Variants in PCDHGB2 observed in about 807,000 individuals in gnomAD.
PCDHGB2 encodes the protein protocadherin gamma subfamily B, 2, also known as protocadherin gamma-B2.
In PCDHGB2, 55 loss-of-function variants were observed where a neutral mutation model predicts 59.3. That is an observed-to-expected ratio of 0.93 (90% CI 0.75 to 1.16). The LOEUF (loss-of-function observed/expected upper bound fraction) is 1.16. PCDHGB2 is among the 50% of genes most tolerant of loss of function. The pLI is 0.00. For missense variants in PCDHGB2, 1,228 were observed against 1,198.5 expected, an observed-to-expected ratio of 1.02 and a Z score of -0.36; for synonymous variants, 516 against 512.0, an observed-to-expected ratio of 1.01 and a Z score of -0.11.
intron 1 of PCDHGB2, chr5:141,382,957 C>T (rs1350220102): frequency 6.2e-7 from 1 of 1,606,282 alleles, no homozygotes; most frequent in Non-Finnish European, 8.5e-7. Flanking sequence ...CTCCATCCTC[C>T]TGGGGACCCC....
At chr5:141,374,954 AT>A in intron 1 of PCDHGB2, 1 of 1,613,990 alleles carries the variant, frequency 6.2e-7, no homozygotes, top group East Asian at 2.2e-5. Flanking sequence ...GATCTCACAA[AT>A]TTTCTGTTTG....
chr5:141,471,046 C>CTT (rs1170588345), intron 1 of PCDHGB2, among the ~76,000 whole-genome samples: 26 of 113,248 alleles, frequency 2.3e-4, no homozygotes, highest in Non-Finnish European at 3.0e-4. Context: ...CCCAAGCCCT[C>CTT]TTTTTTTTTT....
Position 141,495,011 on chromosome 5 carries a change from G to A in PCDHGB2, c.2480+146G>A, listed in dbSNP as rs2099758277. On this transcript the variant is annotated intron_variant, in intron 2 of 3. Coordinates refer to ENST00000522605, the MANE Select transcript of PCDHGB2 (RefSeq NM_018923.3). ...CCAGGGAGGTCTTGGTGTGCGGGGG[G>A]CTGGCACACAGACCCCGGAAGGAAG... is the stretch of plus-strand genomic sequence containing the variant. 4.6e-6 allele frequency: 7 copies of A among 1,512,044 alleles called. No individual in the cohort carries two copies. In the East Asian group the frequency reaches 1.5e-4, roughly 32 times the overall value. 93.7% of individuals were successfully genotyped at this position (1,512,044 alleles called of 1,614,324 possible).
chr5:141,445,305 T>C (rs899306819), intron 1 of PCDHGB2, among the ~76,000 whole-genome samples: 2 of 152,204 alleles, frequency 1.3e-5, no homozygotes, highest in Non-Finnish European at 1.5e-5. Context: ...TCTCTTCAGT[T>C]TGTAGGTTGA....
chr5:141,405,326 T>C (rs764056952), intron 1 of PCDHGB2: 2 of 1,614,220 alleles, frequency 1.2e-6, no homozygotes, highest in South Asian at 2.2e-5. Context: ...TGAGCCTTTG[T>C]GCGTCTCTGT....
intron 1 of PCDHGB2, chr5:141,395,099 C>T: frequency 6.2e-7 from 1 of 1,614,228 alleles, no homozygotes; most frequent in Non-Finnish European, 8.5e-7. Flanking sequence ...TCACCGCCGA[C>T]TCGCGGAAGA....
At position 141,489,503 on chromosome 5, in the gene PCDHGB2, A is replaced by T; in HGVS notation, c.2422-5304A>T. 1 of 1,614,092 alleles carries T rather than the reference A, an allele frequency of 6.2e-7. No homozygotes were observed. ...ATGAGTGGTGCCCTGGCAGTGAATC[A>T]AAAGATTGACCGAGAAAGCCTATGT... is the stretch of plus-strand genomic sequence containing the variant. On this transcript the variant is annotated intron_variant, in intron 1 of 3. Transcript: ENST00000522605. The surrounding 1 kb of genome is among the most constrained non-coding windows in gnomAD (Gnocchi z 4.5).
At chr5:141,397,241 A>G (rs907539043) in intron 1 of PCDHGB2, among the ~76,000 whole-genome samples, 1 of 152,232 alleles carries the variant, frequency 6.6e-6, no homozygotes, top group Admixed American at 6.5e-5. Context: ...AGAGCAACGT[A>G]GTAGGGTATA....
At chr5:141,497,719 T>C (rs1311566820) in intron 2 of PCDHGB2, among the ~76,000 whole-genome samples, 2 of 152,076 alleles carry the variant, frequency 1.3e-5, no homozygotes, top group Non-Finnish European at 2.9e-5. Context: ...TTTGTATTTT[T>C]AGTAGAGATG....
rs962136728 is a variant in PCDHGB2 at position 141,491,524 on chromosome 5, G to A, written c.2422-3283G>A. 1 of 1,613,960 alleles carries A rather than the reference G, an allele frequency of 6.2e-7. No homozygotes were observed. The highest frequency in any genetic ancestry group is 1.3e-5 in the African/African-American group (1 of 74,936). On this transcript the variant is annotated intron_variant, in intron 1 of 3. Coordinates refer to ENST00000522605, the MANE Select transcript of PCDHGB2 (RefSeq NM_018923.3). The surrounding 1 kb of genome is among the most constrained non-coding windows in gnomAD (Gnocchi z 6.9). ...GGACGGCACGCTCAAGTACATGGAG[G>A]TGACGCTGCGGCCCACAGACTCGCA...
intron 1 of PCDHGB2, among the ~76,000 whole-genome samples, chr5:141,471,996 G>A (rs2099268647): frequency 6.6e-6 from 1 of 152,006 alleles, no homozygotes; most frequent in Admixed American, 6.6e-5. Context: ...AAAAATCCCT[G>A]CATCGTATAG....
intron 1 of PCDHGB2, chr5:141,390,655 A>G (rs2092202484): frequency 4.9e-6 from 1 of 204,734 alleles, no homozygotes; most frequent in Non-Finnish European, 9.8e-6. Flanking sequence ...GCTTGGATAT[A>G]CCATAAATAT....
At chr5:141,510,898 T>C in intron 3 of PCDHGB2, 49 bp from the exon 4 acceptor site, 1 of 1,613,278 alleles carries the variant, frequency 6.2e-7, no homozygotes, top group Non-Finnish European at 8.5e-7. Context: ...ACAGTGACTG[T>C]TGAGGACCCT....
intron 1 of PCDHGB2, chr5:141,422,639 C>T (rs777330051): frequency 3.7e-6 from 6 of 1,612,780 alleles, no homozygotes; most frequent in South Asian, 2.2e-5. Flanking sequence ...AGGGGTGCCT[C>T]CATCTTCTCA....
chr5:141,408,506 T>C, intron 1 of PCDHGB2: 2 of 1,614,010 alleles, frequency 1.2e-6, no homozygotes, highest in Non-Finnish European at 1.7e-6. Flanking sequence ...GAGAAGAAGA[T>C]GTGAGTTGCA....
intron 1 of PCDHGB2, chr5:141,382,669 G>GT (rs1778360255): frequency 2.3e-6 from 1 of 433,228 alleles, no homozygotes. Context: ...CAGCGCCGCT[G>GT]TTCACCAACC....
rs1194584899 is a variant in PCDHGB2 at position 141,360,765 on chromosome 5, G to A, written c.630G>A (p.Leu210=). The change falls in exon 1 of 4, where the codon TTG becomes TTA. Residue 210 remains leucine, a synonymous_variant. Transcript: ENST00000522605. Reference sequence around the variant, plus strand: ...GAGAAGAGCACAGTTTACATCAATTGGTCCTCACAGCTGTGGATGGCGGAG... The same window carrying A: ...GAGAAGAGCACAGTTTACATCAATTAGTCCTCACAGCTGTGGATGGCGGAG... The part of the protein sequence containing the change: ...LDREEHSLHQ[L]VLTAVDGGDP... 1 of 1,613,902 alleles carries A rather than the reference G, an allele frequency of 6.2e-7. No homozygotes were observed. The highest frequency in any genetic ancestry group is 2.2e-5 in the East Asian group (1 of 44,876).
At chr5:141,372,589 GCTTCA>G in intron 1 of PCDHGB2, 1 of 1,614,030 alleles carries the variant, frequency 6.2e-7, no homozygotes, top group Non-Finnish European at 8.5e-7. Context: ...CCTGGTGTCT[GCTTCA>G]AGACTGTACC....
chr5:141,415,128 G>C (rs376477668), intron 1 of PCDHGB2: 33 of 1,613,528 alleles, frequency 2.0e-5, no homozygotes, highest in Admixed American at 5.0e-5. Context: ...TGGCCGTCCA[G>C]GACCACGGCC....
Sources: allele counts gnomAD v4.1 joint callset (sites outside exome capture counted in the v4.1 genomes callset), GRCh38; gene constraint gnomAD v4.1.1; non-coding constraint Gnocchi (gnomAD v3.1); transcripts MANE v1.5; gene names NCBI Gene and HGNC (gene_info 2026-07-23, HGNC 2026-07-21).